Variants in TUSC3 observed in about 807,000 individuals in gnomAD.
TUSC3 encodes tumor suppressor candidate 3.
A neutral mutation model predicts 44.8 loss-of-function variants in TUSC3; 45 were observed. The observed-to-expected ratio is 1.00, with a 90% CI of 0.79 to 1.29. The LOEUF (loss-of-function observed/expected upper bound fraction) is 1.29. Among genes scored for constraint, TUSC3 ranks in the 50% most tolerant of loss-of-function variants. The pLI is 0.00. For missense variants in TUSC3, 519 were observed against 437.9 expected, an observed-to-expected ratio of 1.19 and a Z score of -1.65; for synonymous variants, 212 against 152.9, an observed-to-expected ratio of 1.39 and a Z score of -2.85.
intron 1 of TUSC3, among the ~76,000 whole-genome samples, chr8:15,609,343 C>T (rs1804663786): frequency 1.3e-5 from 2 of 152,150 alleles, no homozygotes; most frequent in South Asian, 2.1e-4. Context: ...CTGCTATACT[C>T]ATTTACACTG....
chr8:15,532,324 A>C (rs574441007), intron 2 of TUSC3, among the ~76,000 whole-genome samples: 1 of 152,302 alleles, frequency 6.6e-6, no homozygotes, highest in South Asian at 2.1e-4. Flanking sequence ...AAAAAAAGAA[A>C]AATGGTGTGT....
At chr8:15,576,250 T>C (rs1048255711) in intron 1 of TUSC3, among the ~76,000 whole-genome samples, 1 of 32,034 alleles carries the variant, frequency 3.1e-5, no homozygotes, top group South Asian at 2.7e-3. Context: ...CTGCTTTTTC[T>C]TTCTTTTTTT....
At chr8:15,747,163 C>T (rs1811450889) in intron 8 of TUSC3, among the ~76,000 whole-genome samples, 1 of 152,100 alleles carries the variant, frequency 6.6e-6, no homozygotes, top group East Asian at 1.9e-4. Flanking sequence ...TTATGTACTC[C>T]ATGATTGCCA....
At chr8:15,540,246 G>A (rs1268565690), upstream of TUSC3, 10 of 840,130 alleles carry the variant, frequency 1.2e-5, no homozygotes, top group Non-Finnish European at 6.6e-6. Context: ...TTCTCCCGGT[G>A]AACCGGATGC....
chr8:15,542,136 T>G (rs1801713732), intron 1 of TUSC3, among the ~76,000 whole-genome samples: 1 of 151,758 alleles, frequency 6.6e-6, no homozygotes, highest in South Asian at 2.1e-4. Context: ...GATCAATACA[T>G]GTAAGGTCTA....
the TUSC3 span, among the ~76,000 whole-genome samples, chr8:15,782,934 G>A: frequency 4.0e-5 from 6 of 151,886 alleles, no homozygotes; most frequent in Non-Finnish European, 8.8e-5. Context: ...AGCGAATTGT[G>A]TCTCTGGTAA....
chr8:15,722,361 A>G (rs1444410429), intron 6 of TUSC3, among the ~76,000 whole-genome samples: 1 of 151,896 alleles, frequency 6.6e-6, no homozygotes, highest in South Asian at 2.1e-4. Flanking sequence ...ATCAGGACAG[A>G]TAACTTTTTA....
the TUSC3 span, among the ~76,000 whole-genome samples, chr8:15,817,035 C>T: frequency 2.6e-5 from 4 of 152,040 alleles, no homozygotes; most frequent in Non-Finnish European, 5.9e-5. Flanking sequence ...TTGGAACTTG[C>T]TTTTTAAAAA....
In TUSC3 at chr8:15,585,343, T is replaced by TAGC. The variant is rs1803551845; in HGVS notation, c.139-37734_139-37732dup. Among the ~76,000 whole-genome samples the TAGC allele has an allele frequency of 2.0e-5, 3 of 152,168 alleles. 1 individual carries two copies. In the South Asian group the frequency reaches 6.2e-4, roughly 31 times the overall value. On this transcript the variant is annotated intron_variant, in intron 1 of 10. Coordinates refer to ENST00000503731, the MANE Select transcript of TUSC3 (RefSeq NM_006765.4). ...ACAGTCTCACCAATGCACCACAATG[T>TAGC]AGCAGTTTCTTATTCTGAGGTATCA...
chr8:15,739,866 T>C (rs1811113766), intron 7 of TUSC3, among the ~76,000 whole-genome samples: 1 of 152,194 alleles, frequency 6.6e-6, no homozygotes, highest in African/African-American at 2.4e-5. Context: ...TTTCACTCTT[T>C]AGTTTTGTGA....
intron 1 of TUSC3, among the ~76,000 whole-genome samples, chr8:15,470,058 C>G (rs766710590): frequency 6.6e-6 from 1 of 151,720 alleles, no homozygotes; most frequent in African/African-American, 2.4e-5. Context: ...CAGTTCAAGA[C>G]CAGCCTGGGA....
intron 6 of TUSC3, among the ~76,000 whole-genome samples, chr8:15,728,727 A>G (rs1448937472): frequency 6.6e-6 from 1 of 152,164 alleles, no homozygotes; most frequent in East Asian, 1.9e-4. Flanking sequence ...AATTAAAGCC[A>G]TGAAACTGGA....
intron 2 of TUSC3, among the ~76,000 whole-genome samples, chr8:15,494,263 A>C (rs1800848665): frequency 6.7e-6 from 1 of 150,320 alleles, no homozygotes; most frequent in South Asian, 2.1e-4. Context: ...ACATGTAGCA[A>C]TATTTTTTAC....
chr8:15,675,168 A>T (rs1808127972), intron 6 of TUSC3, among the ~76,000 whole-genome samples: 1 of 152,152 alleles, frequency 6.6e-6, no homozygotes, highest in Admixed American at 6.6e-5. Flanking sequence ...TTTGTCACTG[A>T]TACATTTCTG....
intron 6 of TUSC3, among the ~76,000 whole-genome samples, chr8:15,722,577 A>G (rs899579371): frequency 6.6e-6 from 1 of 152,028 alleles, no homozygotes; most frequent in Non-Finnish European, 1.5e-5. Context: ...GATGACTGCA[A>G]TTTGAATTTT....
intron 2 of TUSC3, 99 bp downstream of exon 2, chr8:15,623,348 T>A (rs1805337915): frequency 1.5e-5 from 18 of 1,208,808 alleles, no homozygotes; most frequent in Non-Finnish European, 2.0e-5. Context: ...GATAAACAGT[T>A]GTTTAATAGT....
chr8:15,790,792 A>G, the TUSC3 span, among the ~76,000 whole-genome samples: 1 of 152,124 alleles, frequency 6.6e-6, no homozygotes. Context: ...AGGATATGAA[A>G]TTAATTCAAT....
intron 2 of TUSC3, among the ~76,000 whole-genome samples, chr8:15,646,599 G>C (rs190037506): frequency 1.3e-5 from 2 of 151,832 alleles, no homozygotes; most frequent in African/African-American, 4.8e-5. Flanking sequence ...AAAGTTTTTA[G>C]ATTATAGTAC....
chr8:15,697,991 T>G (rs903614341), intron 6 of TUSC3, among the ~76,000 whole-genome samples: 11 of 152,190 alleles, frequency 7.2e-5, no homozygotes, highest in Admixed American at 6.5e-4. Flanking sequence ...TTTAATTTGG[T>G]TTACCCCAAA....
Sources: allele counts gnomAD v4.1 joint callset (sites outside exome capture counted in the v4.1 genomes callset), GRCh38; gene constraint gnomAD v4.1.1; transcripts MANE v1.5; gene names NCBI Gene and HGNC (gene_info 2026-07-23, HGNC 2026-07-21).